Variants in ARFGEF2 observed in about 807,000 individuals in gnomAD.
ARFGEF2 encodes the protein brefeldin A-inhibited guanine nucleotide-exchange protein 2.
In ARFGEF2, 74 loss-of-function variants were observed where a neutral mutation model predicts 219.9. The observed-to-expected ratio is 0.34, with a 90% CI of 0.28 to 0.41. The LOEUF (loss-of-function observed/expected upper bound fraction) is 0.41. ARFGEF2 is among the 10% of genes least tolerant of loss of function. The probability of loss-of-function intolerance (pLI) is 1.00; values close to 1 mark genes in which losing one functional copy is unlikely to be tolerated. For synonymous variants in ARFGEF2, 733 were observed against 799.2 expected (o/e 0.92, Z 1.40); for missense variants, 1,743 against 2,218.3 (o/e 0.79, Z 4.30).
At chr20:48,927,194 T>A (rs919804946) in intron 1 of ARFGEF2, among the ~76,000 whole-genome samples, 5 of 152,198 alleles carry the variant, frequency 3.3e-5, no homozygotes, top group African/African-American at 1.2e-4. Context: ...AGGAAGTATA[T>A]TCCTAAATCT....
chr20:49,000,776 C>T (rs934411437), intron 25 of ARFGEF2, among the ~76,000 whole-genome samples: 8 of 152,170 alleles, frequency 5.3e-5, no homozygotes, highest in Admixed American at 2.0e-4. Context: ...TTTTGGTAAA[C>T]GTTTTCCCAA....
intron 3 of ARFGEF2, among the ~76,000 whole-genome samples, chr20:48,948,296 T>C (rs1600600000): frequency 1.3e-5 from 2 of 152,342 alleles, no homozygotes; most frequent in Non-Finnish European, 2.9e-5. Context: ...GTTATCAGGC[T>C]CTAGCTATAT....
At chr20:48,939,636 C>G (rs2090981606) in intron 1 of ARFGEF2, among the ~76,000 whole-genome samples, 1 of 152,228 alleles carries the variant, frequency 6.6e-6, no homozygotes, top group South Asian at 2.1e-4. Flanking sequence ...ACACAGCTCT[C>G]TGACCCTGTG....
rs1216597512 is a variant in ARFGEF2 at position 48,951,351 on chromosome 20, G to A, written c.305G>A (p.Gly102Asp). ...CTCATCGCATACGGGCACATCACTG[G>A]CAACGCCCCTGACAGTGGAGCCCCT... ...QKLIAYGHITGNAPDSGAPGK... is the reference protein window; with the variant it reads ...QKLIAYGHITDNAPDSGAPGK... The change falls in exon 4 of 39, where the codon GGC becomes GAC. Residue 102 changes from glycine to aspartate, a missense_variant. Around this residue, in one of 5 missense-constraint regions of ARFGEF2, gnomAD observed 394 missense variants for 426.6 expected, o/e 0.92. Coordinates refer to ENST00000371917, the MANE Select transcript of ARFGEF2 (RefSeq NM_006420.3). 1 of 1,614,148 alleles carries A rather than the reference G, an allele frequency of 6.2e-7. No individual in the cohort carries two copies. Among genetic ancestry groups the A allele is most frequent in the South Asian group, 1.1e-5 (1 of 91,082 alleles).
Position 49,018,985 on chromosome 20 carries a change from T to G in ARFGEF2, c.4611T>G (p.Gly1537=), listed in dbSNP as rs748798571. The G allele has an allele frequency of 9.9e-6, 16 of 1,613,764 alleles. No individual in the cohort carries two copies. The highest frequency in any genetic ancestry group is 7.6e-6 in the Non-Finnish European group (9 of 1,179,732). ...LSNPTDDSWK[G]RPYANQKLFA... ...ACCCAACAGATGACAGCTGGAAGGG[T>G]AGACCATACGCAAGTAAGGCCACTT... Residue 1537 remains glycine, a synonymous_variant, in exon 34 of 39, where the codon GGT becomes GGG. Coordinates refer to ENST00000371917, the MANE Select transcript of ARFGEF2 (RefSeq NM_006420.3).
At chr20:48,999,252 A>G (rs1220509479) in intron 25 of ARFGEF2, 9 of 454,078 alleles carry the variant, frequency 2.0e-5, no homozygotes, top group South Asian at 3.1e-5. Context: ...AAAAAAATTA[A>G]TAATTGTTTT....
Position 48,933,311 on chromosome 20 carries a change from G to A in ARFGEF2, c.122-7888G>A, listed in dbSNP as rs376730309. On this transcript the variant is annotated intron_variant, in intron 1 of 38. Coordinates refer to ENST00000371917, the MANE Select transcript of ARFGEF2 (RefSeq NM_006420.3). The stretch of plus-strand genomic sequence containing the variant: ...ACCGTCCTCCTTCTGTCATCGTTGA[G>A]TGGCTCAGGAGTGCTGGCCCTCTAA... Among the ~76,000 whole-genome samples, 25 of 152,310 alleles carry A rather than the reference G, an allele frequency of 1.6e-4. No homozygotes were observed. In the East Asian group the frequency reaches 3.9e-3, roughly 24 times the overall value.
At chr20:48,957,631 A>G (rs1480381059) in intron 6 of ARFGEF2, among the ~76,000 whole-genome samples, 5 of 152,304 alleles carry the variant, frequency 3.3e-5, no homozygotes, top group African/African-American at 9.6e-5. Flanking sequence ...AAACTTAGAT[A>G]CAATGGACTT....
At position 49,028,554 on chromosome 20, in the gene ARFGEF2, A is replaced by G. The variant is rs749125976; in HGVS notation, c.4949A>G (p.Asn1650Ser). Residue 1650 changes from asparagine (N) to serine (S), a missense_variant, in exon 37 of 39, where the codon AAT (asparagine) becomes AGT (serine). Around this residue, in one of 5 missense-constraint regions of ARFGEF2, gnomAD observed 578 missense variants for 664.0 expected, o/e 0.87. Coordinates refer to ENST00000371917, the MANE Select transcript of ARFGEF2 (RefSeq NM_006420.3). Reference protein sequence around the residue: ...RAGFKGKSKPNLLKQETSSLA... With the variant: ...RAGFKGKSKPSLLKQETSSLA... ...GGTTTTAAGGGCAAGTCTAAACCCA[A>G]TCTTCTAAAACAAGAAACCAGCAGC... 16 of 1,614,114 alleles carry G rather than the reference A, an allele frequency of 9.9e-6. No individual in the cohort carries two copies. Among genetic ancestry groups the G allele is most frequent in the African/African-American group, 8.0e-5 (6 of 74,934 alleles).
intron 7 of ARFGEF2, among the ~76,000 whole-genome samples, chr20:48,964,279 C>G (rs1170070730): frequency 6.6e-6 from 1 of 152,188 alleles, no homozygotes; most frequent in Non-Finnish European, 1.5e-5. Flanking sequence ...GTGGCGCACG[C>G]CTGTAGTCCC....
rs886056751 is a variant in ARFGEF2, at chr20:48,921,822, C to A, written c.-68C>A. On this transcript the variant is annotated 5_prime_UTR_variant, in exon 1 of 39. Transcript: ENST00000371917. ...GGTGCCGGCCGGGACGCCGGGCCCG[C>A]AGCCTAGCTCGCCATCTCGCTCACG... 1.2e-4 allele frequency: 164 copies of A among 1,335,974 alleles called. No individual in the cohort carries two copies. The highest frequency in any genetic ancestry group is 1.5e-4 in the Non-Finnish European group (160 of 1,035,602). The allele number at this position is 1,335,974 out of a possible 1,614,324, so 82.8% of individuals were successfully genotyped here. A position where few individuals can be genotyped will look rare whatever the true frequency, so the allele number is the denominator to read the frequency against.
rs145612094 is a variant in ARFGEF2 at position 48,959,671 on chromosome 20, G to A, written c.839-4159G>A. On this transcript the variant is annotated intron_variant, in intron 6 of 38. Transcript: ENST00000371917. ...GTCACCCAGGCTGGAGTGCAGTGGC[G>A]CAATCTCAAATCACTGCAACCTCTG... Among the ~76,000 whole-genome samples the A allele has an allele frequency of 9.0e-3, 1,297 of 143,936 alleles. 21 individuals carry two copies. Among genetic ancestry groups the A allele is most frequent in the African/African-American group, 0.032 (1,236 of 38,412 alleles). The allele number at this position is 143,936 out of a possible 152,430, so 94.4% of individuals were successfully genotyped here. A position where few individuals can be genotyped will look rare whatever the true frequency, so the allele number is the denominator to read the frequency against.
chr20:49,005,737 C>CAAAA (rs56730863), intron 26 of ARFGEF2, among the ~76,000 whole-genome samples: 26 of 62,154 alleles, frequency 4.2e-4, no homozygotes, highest in African/African-American at 7.7e-4. Flanking sequence ...GACTCCGTCT[C>CAAAA]AAAAAAAAAA....
intron 20 of ARFGEF2, among the ~76,000 whole-genome samples, chr20:48,990,448 G>A (rs538836356): frequency 1.3e-5 from 2 of 152,294 alleles, no homozygotes; most frequent in South Asian, 2.1e-4. Context: ...AAACTGTTAC[G>A]AAATTAGGAG....
intron 20 of ARFGEF2, 100 bp from the exon 21 acceptor site, chr20:48,990,940 C>A: frequency 7.5e-7 from 1 of 1,340,192 alleles, no homozygotes; most frequent in Non-Finnish European, 1.0e-6. Context: ...AATGTGCATA[C>A]AAAAAGTATC....
chr20:48,925,025 C>T (rs1312729896), intron 1 of ARFGEF2, among the ~76,000 whole-genome samples: 1 of 152,146 alleles, frequency 6.6e-6, no homozygotes, highest in Non-Finnish European at 1.5e-5. Flanking sequence ...GTTCCTCGTT[C>T]AGGAATGACT....
At chr20:48,999,561 C>A (rs565020372) in intron 25 of ARFGEF2, among the ~76,000 whole-genome samples, 1 of 152,010 alleles carries the variant, frequency 6.6e-6, no homozygotes, top group African/African-American at 2.4e-5. Flanking sequence ...TCCTGGCTAA[C>A]ATGGTGAAAC....
chr20:49,036,387 A>C lies in ARFGEF2; in HGVS notation c.*3188A>C, dbSNP rs2091666146. 1 of 396,566 alleles carries C rather than the reference A, an allele frequency of 2.5e-6. No homozygotes were observed. Among genetic ancestry groups the C allele is most frequent in the African/African-American group, 2.1e-5 (1 of 48,606 alleles). The allele number at this position is 396,566 out of a possible 1,614,324, so 24.6% of individuals were successfully genotyped here. A position where few individuals can be genotyped will look rare whatever the true frequency, so the allele number is the denominator to read the frequency against. On this transcript the variant is annotated 3_prime_UTR_variant, in exon 39 of 39. Transcript: ENST00000371917. ...TTACTCAGTGTTCTAATTTTTAAAA[A>C]ATTTTATCTGCATATTTGCATCAAA...
chr20:48,937,214 C>T (rs1419698292), intron 1 of ARFGEF2, among the ~76,000 whole-genome samples: 2 of 152,178 alleles, frequency 1.3e-5, no homozygotes, highest in African/African-American at 4.8e-5. Flanking sequence ...TGATTGGTTT[C>T]CCTGCTTCTG....
Sources: allele counts gnomAD v4.1 joint callset (sites outside exome capture counted in the v4.1 genomes callset), GRCh38; gene constraint gnomAD v4.1.1; regional missense constraint gnomAD v4.1.1; transcripts MANE v1.5; gene names NCBI Gene and HGNC (gene_info 2026-07-23, HGNC 2026-07-21).